The following ADGRL2 variants were observed in gnomAD, a reference collection of about 807,000 sequenced individuals.
ADGRL2 encodes adhesion G protein-coupled receptor L2.
Under a neutral mutation model 157.4 loss-of-function variants are expected in ADGRL2, and 44 were observed. The observed-to-expected ratio is 0.28, with a 90% CI of 0.22 to 0.36. The LOEUF is 0.36. ADGRL2 is among the 10% of genes least tolerant of loss of function. The pLI is 1.00. For synonymous variants in ADGRL2, 585 were observed against 624.7 expected, an observed-to-expected ratio of 0.94 and a Z score of 0.95; for missense variants, 1,510 against 1,768.9, an observed-to-expected ratio of 0.85 and a Z score of 2.63.
rs897328035 is a variant in ADGRL2, at chr1:81,676,299, G to A, written c.-142-85512G>A. On this transcript the variant is annotated intron_variant, in intron 3 of 24. Coordinates refer to the ADGRL2 transcript ENST00000370721. ...GCTGGGCTTACAGGTGAGAGCCACC[G>A]CGCCCGGCCTGTTTTGTTTTGTTTT... is the stretch of plus-strand genomic sequence containing the variant. Among the ~76,000 whole-genome samples, 9 of 151,184 alleles carry A rather than the reference G, an allele frequency of 6.0e-5. No individual in the cohort carries two copies. The South Asian group carries it at 6.3e-4, about 11-fold the overall frequency.
intron 1 of ADGRL2, among the ~76,000 whole-genome samples, chr1:81,371,232 C>T (rs1557635872): frequency 6.6e-6 from 1 of 152,114 alleles, no homozygotes; most frequent in Admixed American, 6.6e-5. Context: ...TGAACTATAG[C>T]CATAGGAATA....
At chr1:81,311,858 A>T (rs1253134674) in intron 1 of ADGRL2, among the ~76,000 whole-genome samples, 1 of 152,194 alleles carries the variant, frequency 6.6e-6, no homozygotes, top group Admixed American at 6.5e-5. Context: ...AAAAGTTAAG[A>T]AAAGAAGGAG....
At chr1:81,891,670 G>A (rs2151434644) in intron 2 of ADGRL2, among the ~76,000 whole-genome samples, 2 of 151,820 alleles carry the variant, frequency 1.3e-5, no homozygotes, top group East Asian at 3.9e-4. Context: ...GCACTTTTAT[G>A]TAGAGTATTT....
chr1:81,485,177 C>CA (rs59279416), intron 2 of ADGRL2, among the ~76,000 whole-genome samples: 2,413 of 100,084 alleles, frequency 0.024, 55 homozygotes, highest in African/African-American at 0.069. Flanking sequence ...TTGAAAAGCA[C>CA]AAAAAAAAAA....
chr1:81,345,984 G>T (rs146262736), intron 1 of ADGRL2, among the ~76,000 whole-genome samples: 1 of 152,052 alleles, frequency 6.6e-6, no homozygotes, highest in East Asian at 1.9e-4. Flanking sequence ...AGCCTCTATT[G>T]TCTCACATTT....
intron 1 of ADGRL2, among the ~76,000 whole-genome samples, chr1:81,403,555 C>G (rs760214404): frequency 2.6e-5 from 4 of 151,882 alleles, no homozygotes; most frequent in African/African-American, 9.7e-5. Context: ...CATGAGTCAC[C>G]GTGCCTGGCC....
At chr1:81,343,092 C>CTT (rs544677891) in intron 1 of ADGRL2, among the ~76,000 whole-genome samples, 20,181 of 130,912 alleles carry the variant, frequency 0.15, 2,116 homozygotes, top group Admixed American at 0.22. Context: ...TTTTTCTTTT[C>CTT]TTTTTTTTTT....
intron 3 of ADGRL2, among the ~76,000 whole-genome samples, chr1:81,645,457 C>G (rs943304883): frequency 1.3e-5 from 2 of 150,956 alleles, no homozygotes. Context: ...ATAAAAAATT[C>G]CAGCATTGCT....
chr1:81,493,056 T>TA (rs1170689256), intron 2 of ADGRL2, among the ~76,000 whole-genome samples: 1 of 152,152 alleles, frequency 6.6e-6, no homozygotes, highest in Non-Finnish European at 1.5e-5. Context: ...AACTCCTTTT[T>TA]AAAAAACAAT....
At chr1:81,556,676 C>T (rs577632632) in intron 2 of ADGRL2, among the ~76,000 whole-genome samples, 2 of 151,882 alleles carry the variant, frequency 1.3e-5, no homozygotes, top group South Asian at 4.2e-4. Context: ...ATAAAGTACT[C>T]AAGAAATTAA....
At chr1:81,651,778 G>A (rs1193455145) in intron 3 of ADGRL2, among the ~76,000 whole-genome samples, 3 of 152,106 alleles carry the variant, frequency 2.0e-5, no homozygotes, top group Non-Finnish European at 4.4e-5. Context: ...CATCACTCAG[G>A]CCTACGTGCA....
At chr1:81,613,948 C>T (rs1010795263) in intron 3 of ADGRL2, among the ~76,000 whole-genome samples, 3 of 152,160 alleles carry the variant, frequency 2.0e-5, no homozygotes, top group African/African-American at 4.8e-5. Flanking sequence ...TTTGTGTTTA[C>T]ACCACCTGTC....
chr1:81,832,544 CGAA>C (rs1557733511), intron 1 of ADGRL2, among the ~76,000 whole-genome samples: 1 of 152,072 alleles, frequency 6.6e-6, no homozygotes, highest in Non-Finnish European at 1.5e-5. Flanking sequence ...GTCTGCGAAA[CGAA>C]GAAATTTTAG....
At chr1:81,942,356 C>A (rs981356692) in intron 5 of ADGRL2, among the ~76,000 whole-genome samples, 3 of 151,848 alleles carry the variant, frequency 2.0e-5, no homozygotes, top group African/African-American at 4.8e-5. Flanking sequence ...GCTTCCAGAA[C>A]CCTCTCCATA....
At position 81,931,942 on chromosome 1, in the gene ADGRL2, G is replaced by A. The variant is rs187413241; in HGVS notation, c.288-4786G>A. ...AGCGTGAGCAATAGCGCCTGACCCC[G>A]AAATTGTTTAGACATTATTCGCAAG... On this transcript the variant is annotated intron_variant, in intron 3 of 23. Transcript: ENST00000686636. Among the ~76,000 whole-genome samples, 25 of 152,202 alleles carry A rather than the reference G, an allele frequency of 1.6e-4. No individual in the cohort carries two copies. In the East Asian group the frequency reaches 3.1e-3, roughly 19 times the overall value.
At chr1:81,441,835 AC>A (rs2077513097) in intron 1 of ADGRL2, among the ~76,000 whole-genome samples, 2 of 151,484 alleles carry the variant, frequency 1.3e-5, no homozygotes, top group African/African-American at 4.9e-5. Flanking sequence ...ACCACTCCCA[AC>A]CTAGAATATT....
In ADGRL2 at chr1:81,823,171, GAA is replaced by G. The variant is rs1308637836; in HGVS notation, c.-100-13712_-100-13711del. On this transcript the variant is annotated intron_variant, in intron 1 of 23. Transcript: ENST00000686636. Reference sequence around the variant, plus strand: ...CTTTCTTACACCAACAAGCAAAGATGAAAGTTTCCAGTTTTAAAAAATTCTGT... The same window carrying G: ...CTTTCTTACACCAACAAGCAAAGATGAGTTTCCAGTTTTAAAAAATTCTGT... 6.6e-5 allele frequency among the ~76,000 whole-genome samples: 10 copies of G among 151,568 alleles called. No individual in the cohort carries two copies. In the East Asian group the frequency reaches 2.0e-3, roughly 30 times the overall value.
intron 3 of ADGRL2, among the ~76,000 whole-genome samples, chr1:81,929,795 A>G (rs981747966): frequency 2.4e-4 from 37 of 152,166 alleles, no homozygotes; most frequent in African/African-American, 8.7e-4. Flanking sequence ...TTCATCTTAC[A>G]TAGGGGACAT....
chr1:81,806,329 C>G (rs1166813416), intron 1 of ADGRL2, among the ~76,000 whole-genome samples: 1 of 151,916 alleles, frequency 6.6e-6, no homozygotes, highest in Non-Finnish European at 1.5e-5. Context: ...TTAAGACAAA[C>G]AGTTGGGGTT....
Sources: allele counts gnomAD v4.1 joint callset (sites outside exome capture counted in the v4.1 genomes callset), GRCh38; gene constraint gnomAD v4.1.1; transcripts MANE v1.5; gene names NCBI Gene and HGNC (gene_info 2026-07-23, HGNC 2026-07-21).